Variants in FGFR2 observed in about 807,000 individuals in gnomAD.
FGFR2 encodes BEK fibroblast growth factor receptor.
FGFR2 carries 19 observed loss-of-function variants against 95.9 expected under a neutral mutation model. The observed-to-expected ratio is 0.20, with a 90% CI of 0.14 to 0.29. The LOEUF (loss-of-function observed/expected upper bound fraction) is 0.29. Ranked by LOEUF, FGFR2 falls within the 10% of genes least tolerant of loss-of-function variation. FGFR2 has a pLI of 1.00. For synonymous variants in FGFR2, 392 were observed against 393.3 expected, an observed-to-expected ratio of 1.00 and a Z score of 0.04; for missense variants, 707 against 1,056.9, an observed-to-expected ratio of 0.67 and a Z score of 4.59.
intron 6 of FGFR2, among the ~76,000 whole-genome samples, chr10:121,529,324 G>T (rs1274673377): frequency 6.6e-6 from 1 of 152,066 alleles, no homozygotes; most frequent in Non-Finnish European, 1.5e-5. Flanking sequence ...TGGCCAGGCT[G>T]GTCTCAAACT....
chr10:121,497,857 G>C (rs1040599360), intron 12 of FGFR2, among the ~76,000 whole-genome samples: 6 of 152,108 alleles, frequency 3.9e-5, no homozygotes, highest in Admixed American at 3.9e-4. Flanking sequence ...AAATATCTAC[G>C]ACCTCCCTTT....
intron 2 of FGFR2, among the ~76,000 whole-genome samples, chr10:121,581,150 G>C (rs11599804): frequency 6.6e-6 from 1 of 152,094 alleles, no homozygotes; most frequent in African/African-American, 2.4e-5. Flanking sequence ...GGAGGCCGCC[G>C]GGATGCCCTT....
rs1850019818 is a variant in FGFR2 at position 121,518,606 on chromosome 10, C to G, written c.940-1143G>C. 6.4e-7 allele frequency: 1 copy of G among 1,573,622 alleles called. No homozygotes were observed. The highest frequency in any genetic ancestry group is 8.7e-7 in the Non-Finnish European group (1 of 1,147,850). The stretch of plus-strand genomic sequence containing the variant: ...TTATCCTATAAGCTGCCTGCAGTCT[C>G]CCAAAGCACCAAGTCTTTTCAGCTT... On this transcript the variant is annotated intron_variant, in intron 7 of 17. Coordinates refer to ENST00000358487, the MANE Select transcript of FGFR2 (RefSeq NM_000141.5). The surrounding 1 kb of genome is among the most constrained non-coding windows in gnomAD (Gnocchi z 4.0).
chr10:121,592,760 G>A (rs1862849145), intron 2 of FGFR2, among the ~76,000 whole-genome samples: 1 of 152,192 alleles, frequency 6.6e-6, no homozygotes, highest in Non-Finnish European at 1.5e-5. Context: ...CACTCGGACT[G>A]CTGCGGGTTC....
chr10:121,543,807 T>TG, intron 5 of FGFR2, among the ~76,000 whole-genome samples: 1 of 152,202 alleles, frequency 6.6e-6, no homozygotes, highest in Non-Finnish European at 1.5e-5. Context: ...CTCTTCCCTC[T>TG]GCTCGGTAAA....
intron 5 of FGFR2, among the ~76,000 whole-genome samples, chr10:121,544,169 C>T (rs1038280416): frequency 2.0e-5 from 3 of 152,032 alleles, no homozygotes; most frequent in Non-Finnish European, 2.9e-5. Flanking sequence ...AATGTGGGGC[C>T]GGGCACAGTG....
chr10:121,528,335 C>T (rs1328318168), intron 6 of FGFR2, among the ~76,000 whole-genome samples: 2 of 152,054 alleles, frequency 1.3e-5, no homozygotes, highest in Admixed American at 1.3e-4. Flanking sequence ...AAAAGATCTG[C>T]ACAACAATCA....
chr10:121,549,089 G>A (rs1314295393), intron 5 of FGFR2, among the ~76,000 whole-genome samples: 2 of 152,066 alleles, frequency 1.3e-5, no homozygotes, highest in African/African-American at 4.8e-5. Context: ...CCTCATAACT[G>A]TTTCACATGT....
intron 17 of FGFR2, among the ~76,000 whole-genome samples, chr10:121,482,851 T>G (rs924326333): frequency 2.0e-5 from 3 of 152,174 alleles, no homozygotes; most frequent in African/African-American, 4.8e-5. Context: ...CAGACTGGAG[T>G]GCAGTGGCGC....
In FGFR2 at chr10:121,497,032, G is replaced by A. The variant is rs7097127; in HGVS notation, c.1673-310C>T. 6.7e-3 allele frequency among the ~76,000 whole-genome samples: 1,003 copies of A among 150,066 alleles called. 4 individuals are homozygous for A. The highest frequency in any genetic ancestry group is 0.02 in the African/African-American group (824 of 40,810). On this transcript the variant is annotated intron_variant, in intron 12 of 17. Coordinates refer to ENST00000358487, the MANE Select transcript of FGFR2 (RefSeq NM_000141.5). ...TATAGTCCCAGCTACTTGAGAGGCT[G>A]AGACAGGAGAATCGCTTGAACCCAG...
chr10:121,540,464 C>T (rs1439829661), intron 5 of FGFR2, among the ~76,000 whole-genome samples: 2 of 152,134 alleles, frequency 1.3e-5, no homozygotes, highest in Non-Finnish European at 2.9e-5. Context: ...GATATGGATG[C>T]TAAATCTTCC....
At chr10:121,591,144 C>T (rs1003600917) in intron 2 of FGFR2, among the ~76,000 whole-genome samples, 7 of 152,196 alleles carry the variant, frequency 4.6e-5, no homozygotes, top group Non-Finnish European at 1.0e-4. Flanking sequence ...CCAAAGCGAA[C>T]TCCTGCAACA....
At chr10:121,494,237 C>T (rs1367526141) in intron 13 of FGFR2, among the ~76,000 whole-genome samples, 1 of 152,010 alleles carries the variant, frequency 6.6e-6, no homozygotes, top group East Asian at 1.9e-4. Context: ...GCACCTTTTT[C>T]AATATTTTTT....
At chr10:121,483,607 C>T in intron 17 of FGFR2, 91 bp downstream of exon 17, 1 of 915,212 alleles carries the variant, frequency 1.1e-6, no homozygotes, top group Non-Finnish European at 1.8e-6. Flanking sequence ...CAGACTCCAA[C>T]CAACAGCCAA....
intron 5 of FGFR2, among the ~76,000 whole-genome samples, chr10:121,543,779 C>CG (rs1854100751): frequency 6.6e-6 from 1 of 152,072 alleles, no homozygotes; most frequent in Admixed American, 6.5e-5. Context: ...ATCTGATCCT[C>CG]GGGACCAGTG....
intron 4 of FGFR2, among the ~76,000 whole-genome samples, chr10:121,552,002 A>C (rs1855483242): frequency 9.0e-6 from 1 of 110,716 alleles, no homozygotes; most frequent in African/African-American, 3.6e-5. Flanking sequence ...ATTTCTCAGA[A>C]CTTATATACA....
At position 121,517,294 on chromosome 10, in the gene FGFR2, C is replaced by A. The variant is rs2134252861; in HGVS notation, c.1084+25G>T. 1 of 1,613,862 alleles carries A rather than the reference C, an allele frequency of 6.2e-7. No homozygotes were observed. The highest frequency in any genetic ancestry group is 8.5e-7 in the Non-Finnish European group (1 of 1,179,824). On this transcript the variant is annotated intron_variant, in intron 8 of 17. Transcript: ENST00000358487. The surrounding 1 kb of genome is among the most constrained non-coding windows in gnomAD (Gnocchi z 4.7). ...AGTCAACCAAGAAAAGGGAAAAAAA[C>A]CCAGAGAGAAAGAACAGTATATACC...
intron 2 of FGFR2, among the ~76,000 whole-genome samples, chr10:121,580,079 T>A (rs547646311): frequency 5.9e-5 from 9 of 152,262 alleles, no homozygotes; most frequent in African/African-American, 2.2e-4. Context: ...CGTTTGACAT[T>A]TTCCCCCAAG....
intron 13 of FGFR2, among the ~76,000 whole-genome samples, chr10:121,488,682 A>C (rs1035027389): frequency 6.6e-6 from 1 of 152,224 alleles, no homozygotes; most frequent in Non-Finnish European, 1.5e-5. Flanking sequence ...TAGAATGATC[A>C]TTTTGAAGAG....
Sources: allele counts gnomAD v4.1 joint callset (sites outside exome capture counted in the v4.1 genomes callset), GRCh38; gene constraint gnomAD v4.1.1; non-coding constraint Gnocchi (gnomAD v3.1); transcripts MANE v1.5; gene names NCBI Gene and HGNC (gene_info 2026-07-23, HGNC 2026-07-21).